LGR4: variants seen among roughly 807,000 people sequenced by gnomAD.
The protein encoded by LGR4 is leucine-rich repeat-containing G protein-coupled receptor 4.
A neutral mutation model predicts 84.8 loss-of-function variants in LGR4; 44 were observed. The observed-to-expected ratio is 0.52, with a 90% CI of 0.41 to 0.67. The LOEUF is 0.67. Ranked by LOEUF, LGR4 falls within the 30% of genes least tolerant of loss-of-function variation. LGR4 has a pLI of 0.00. For synonymous variants in LGR4, 429 were observed against 434.3 expected, an observed-to-expected ratio of 0.99 and a Z score of 0.15; for missense variants, 1,032 against 1,131.4, an observed-to-expected ratio of 0.91 and a Z score of 1.26.
intron 1 of LGR4, among the ~76,000 whole-genome samples, chr11:27,416,942 A>T (rs900804954): frequency 6.6e-6 from 1 of 152,160 alleles, no homozygotes; most frequent in African/African-American, 2.4e-5. Flanking sequence ...ACCTTTTAAG[A>T]TCCCTGTAAA....
chr11:27,441,789 A>G (rs973514154), intron 1 of LGR4, among the ~76,000 whole-genome samples: 12 of 152,200 alleles, frequency 7.9e-5, no homozygotes, highest in African/African-American at 2.9e-4. Flanking sequence ...AATGAGAGGC[A>G]AAAGTGTCAA....
At chr11:27,440,380 A>G (rs1864285654) in intron 1 of LGR4, among the ~76,000 whole-genome samples, 1 of 152,140 alleles carries the variant, frequency 6.6e-6, no homozygotes, top group Non-Finnish European at 1.5e-5. Context: ...TCCCCATGTC[A>G]TCTCGAGTTT....
chr11:27,445,255 C>T (rs572423408), intron 1 of LGR4, among the ~76,000 whole-genome samples: 5 of 152,212 alleles, frequency 3.3e-5, no homozygotes, highest in South Asian at 2.1e-4. Context: ...TGGACACGTG[C>T]GGGCCAGTGT....
In LGR4 at chr11:27,385,299, T is replaced by C. The variant is rs1863164914; in HGVS notation, c.571A>G (p.Ser191Gly). ...TTGGTAAATGCAAAGTCAGGGATGC[T>C]TGAGATCTTGTTGAGAGCCAGGGTC... Reference protein sequence around the residue: ...ALTLALNKISSIPDFAFTNLS... With the variant: ...ALTLALNKISGIPDFAFTNLS... The change falls in exon 5 of 18, where the codon AGC (serine) becomes GGC (glycine). Residue 191 changes from serine to glycine, a missense_variant. Transcript: ENST00000379214. 6.2e-7 allele frequency: 1 copy of C among 1,602,028 alleles called. No individual in the cohort carries two copies. The highest frequency in any genetic ancestry group is 8.5e-7 in the Non-Finnish European group (1 of 1,173,774).
intron 2 of LGR4, 116 bp from the exon 3 acceptor site, chr11:27,392,634 T>A: frequency 1.2e-6 from 1 of 815,982 alleles, no homozygotes; most frequent in Non-Finnish European, 1.9e-6. Context: ...TTCTCAAGTC[T>A]ATCTGACATT....
chr11:27,443,973 C>G (rs1864344877), intron 1 of LGR4, among the ~76,000 whole-genome samples: 1 of 152,158 alleles, frequency 6.6e-6, no homozygotes, highest in Non-Finnish European at 1.5e-5. Context: ...AACAATAACC[C>G]TGTAGCATTT....
Position 27,368,206 on chromosome 11 carries a change from C to A in LGR4, c.2517G>T (p.Gln839His). ...SISSQGGCLE[Q>H]DFYYDCGMYS... ...ACATGCCACAGTCGTAGTAGAAATC[C>A]TGTTCCAGACAACCACCTTGGCTAC... The change falls in exon 18 of 18, where the codon CAG (glutamine) becomes CAT (histidine). Residue 839 changes from glutamine to histidine, a missense_variant. Gln to His is a conservative substitution (Grantham distance 24, BLOSUM62 0). Coordinates refer to ENST00000379214, the MANE Select transcript of LGR4 (RefSeq NM_018490.5). 6.2e-7 allele frequency: 1 copy of A among 1,614,248 alleles called. No individual in the cohort carries two copies. Among genetic ancestry groups the A allele is most frequent in the South Asian group, 1.1e-5 (1 of 91,086 alleles).
At chr11:27,431,959 T>C (rs1278551976) in intron 1 of LGR4, among the ~76,000 whole-genome samples, 1 of 152,182 alleles carries the variant, frequency 6.6e-6, no homozygotes, top group Non-Finnish European at 1.5e-5. Flanking sequence ...TAATTCATCA[T>C]GTAAAGTGTT....
chr11:27,419,653 T>C (rs1293592740), intron 1 of LGR4, among the ~76,000 whole-genome samples: 1 of 148,078 alleles, frequency 6.8e-6, no homozygotes, highest in Non-Finnish European at 1.5e-5. Context: ...TATATACACA[T>C]ATATATGTGT....
chr11:27,468,559 G>A (rs758272863), intron 1 of LGR4, among the ~76,000 whole-genome samples: 4 of 152,106 alleles, frequency 2.6e-5, no homozygotes, highest in Non-Finnish European at 5.9e-5. Context: ...TTTATGAGAG[G>A]ATCATAACCT....
At chr11:27,430,686 C>T (rs372615365) in intron 1 of LGR4, among the ~76,000 whole-genome samples, 8 of 152,114 alleles carry the variant, frequency 5.3e-5, no homozygotes, top group Non-Finnish European at 4.4e-5. Context: ...CCCGGGACCA[C>T]GACAGTAGCC....
chr11:27,457,333 C>A (rs548807269), intron 1 of LGR4, among the ~76,000 whole-genome samples: 73 of 152,244 alleles, frequency 4.8e-4, no homozygotes, highest in African/African-American at 1.7e-3. Flanking sequence ...TCACTGTAAG[C>A]AAAATGCTTC....
chr11:27,405,569 CATGT>C (rs1863590263), intron 2 of LGR4, among the ~76,000 whole-genome samples: 1 of 152,166 alleles, frequency 6.6e-6, no homozygotes, highest in Non-Finnish European at 1.5e-5. Context: ...CTGAACTCCA[CATGT>C]ATGTTAAAAA....
chr11:27,390,448 G>C (rs1022950555), intron 4 of LGR4, among the ~76,000 whole-genome samples: 1 of 152,044 alleles, frequency 6.6e-6, no homozygotes, highest in African/African-American at 2.4e-5. Flanking sequence ...AAGAAAACCA[G>C]CATTACTTCT....
intron 1 of LGR4, among the ~76,000 whole-genome samples, chr11:27,423,326 G>C (rs972381525): frequency 6.6e-6 from 1 of 152,214 alleles, no homozygotes; most frequent in Non-Finnish European, 1.5e-5. Context: ...CCAACCGTCA[G>C]AGCCTGAACC....
chr11:27,421,086 A>G (rs1291327588), intron 1 of LGR4, among the ~76,000 whole-genome samples: 1 of 152,216 alleles, frequency 6.6e-6, no homozygotes, highest in Non-Finnish European at 1.5e-5. Flanking sequence ...AATTTGCTGT[A>G]GAAACGTCAT....
At chr11:27,468,703 A>G (rs77023165) in intron 1 of LGR4, among the ~76,000 whole-genome samples, 2 of 39,066 alleles carry the variant, frequency 5.1e-5, no homozygotes, top group Non-Finnish European at 4.5e-4. Flanking sequence ...TGTCACGAGA[A>G]AAAAAAAAAA....
intron 2 of LGR4, 37 bp from the exon 3 acceptor site, chr11:27,392,555 T>C (rs1406120902): frequency 2.7e-6 from 4 of 1,494,504 alleles, no homozygotes; most frequent in Non-Finnish European, 9.0e-7. Flanking sequence ...AAGAAAAAAA[T>C]AGTAATTCAG....
At position 27,367,872 on chromosome 11, in the gene LGR4, C is replaced by CT. The variant is rs1335463778; in HGVS notation, c.2850dup (p.Asp951ArgfsTer21). The CT allele has an allele frequency of 6.3e-7, 1 of 1,585,378 alleles. No individual in the cohort carries two copies. The highest frequency in any genetic ancestry group is 2.2e-5 in the East Asian group (1 of 44,772). The stretch of plus-strand genomic sequence containing the variant: ...ACGGTTACACACACAGTAGTTCAGT[C>CT]TTTAACTCTTGGTAGATTGTAAGCA... On this transcript the variant is annotated frameshift_variant, in exon 18 of 18. Coordinates refer to ENST00000379214, the MANE Select transcript of LGR4 (RefSeq NM_018490.5). LOFTEE classifies it high-confidence loss of function.
Sources: gnomAD v4.1 joint callset for allele counts (sites outside exome capture counted in the v4.1 genomes callset) on GRCh38, gnomAD v4.1.1 for gene constraint, MANE v1.5 for transcripts, NCBI Gene and HGNC (gene_info 2026-07-23, HGNC 2026-07-21) for gene names.